EYS: variants seen among roughly 807,000 people sequenced by gnomAD.
The protein encoded by EYS is EGF-like photoreceptor maintenance factor.
In EYS, 250 loss-of-function variants were observed where a neutral mutation model predicts 282.1. That is an observed-to-expected ratio of 0.89 (90% CI 0.80 to 0.98). EYS has a LOEUF of 0.98. EYS is among the 50% of genes least tolerant of loss of function. The probability of loss-of-function intolerance (pLI) is 0.00; values close to 1 mark genes in which losing one functional copy is unlikely to be tolerated. For missense variants in EYS, 4,016 were observed against 3,709.0 expected, an observed-to-expected ratio of 1.08 and a Z score of -2.15; for synonymous variants, 1,355 against 1,282.9, an observed-to-expected ratio of 1.06 and a Z score of -1.20.
intron 31 of EYS, among the ~76,000 whole-genome samples, chr6:64,152,059 G>A (rs1007674462): frequency 6.6e-6 from 1 of 151,892 alleles, no homozygotes; most frequent in African/African-American, 2.4e-5. Flanking sequence ...AATGCATTCA[G>A]GTTTTTAAAC....
At chr6:64,078,499 C>G (rs1771848762) in intron 32 of EYS, among the ~76,000 whole-genome samples, 1 of 152,002 alleles carries the variant, frequency 6.6e-6, no homozygotes, top group Non-Finnish European at 1.5e-5. Context: ...TAGAAAGTAG[C>G]AACCCAGGAA....
chr6:64,830,233 C>G (rs1305048006), intron 19 of EYS, among the ~76,000 whole-genome samples: 1 of 151,908 alleles, frequency 6.6e-6, no homozygotes, highest in Non-Finnish European at 1.5e-5. Context: ...CCACCTTGAT[C>G]TTGGACTTCT....
chr6:65,198,724 C>T (rs570239393), intron 12 of EYS, among the ~76,000 whole-genome samples: 1 of 152,188 alleles, frequency 6.6e-6, no homozygotes, highest in South Asian at 2.1e-4. Context: ...AATGTATTTT[C>T]ATGGAAGTGA....
At chr6:64,997,730 C>G (rs1174590247) in intron 13 of EYS, 27 bp from the exon 14 acceptor site, 2 of 1,547,714 alleles carry the variant, frequency 1.3e-6, no homozygotes, top group South Asian at 2.4e-5. Context: ...AGAGAAAACT[C>G]TTAACATTCC....
chr6:64,703,395 A>ACACACACACACG (rs1770858675), intron 22 of EYS, among the ~76,000 whole-genome samples: 1 of 28,866 alleles, frequency 3.5e-5, no homozygotes, highest in Non-Finnish European at 8.5e-5. Context: ...ACACACACAC[A>ACACACACACACG]CACACACACA....
chr6:64,310,437 G>A (rs543314439), intron 29 of EYS, among the ~76,000 whole-genome samples: 1 of 152,298 alleles, frequency 6.6e-6, no homozygotes, highest in Non-Finnish European at 1.5e-5. Flanking sequence ...CAGGGACATG[G>A]ATGGAGCTGG....
chr6:65,013,569 A>C (rs1771948670), intron 13 of EYS, among the ~76,000 whole-genome samples: 1 of 152,148 alleles, frequency 6.6e-6, no homozygotes, highest in African/African-American at 2.4e-5. Flanking sequence ...ACCCCATGTA[A>C]TTCCCTCACT....
chr6:65,332,435 A>G (rs895452543), intron 11 of EYS: 9 of 1,381,818 alleles, frequency 6.5e-6, no homozygotes, highest in East Asian at 2.5e-5. Context: ...TTAATTTGGG[A>G]AGAATTAATA....
At chr6:64,168,239 C>T (rs1350008393) in intron 31 of EYS, among the ~76,000 whole-genome samples, 4 of 150,266 alleles carry the variant, frequency 2.7e-5, no homozygotes, top group South Asian at 2.1e-4. Context: ...CCAGCCTGGG[C>T]GACAGAGCGA....
intron 12 of EYS, among the ~76,000 whole-genome samples, chr6:65,220,327 A>G (rs1341540586): frequency 2.0e-5 from 3 of 152,102 alleles, no homozygotes; most frequent in African/African-American, 7.2e-5. Context: ...CTAGGTAGTG[A>G]GGGTAACACT....
intron 2 of EYS, among the ~76,000 whole-genome samples, chr6:65,571,846 T>G (rs746840671): frequency 1.9e-4 from 29 of 151,954 alleles, no homozygotes; most frequent in Non-Finnish European, 3.8e-4. Flanking sequence ...GGATATAGGG[T>G]TTAATACATT....
intron 35 of EYS, among the ~76,000 whole-genome samples, chr6:63,917,052 C>T (rs987796560): frequency 6.6e-6 from 1 of 152,202 alleles, no homozygotes; most frequent in African/African-American, 2.4e-5. Context: ...GTGTACTGTT[C>T]ATGACGGCAA....
intron 12 of EYS, among the ~76,000 whole-genome samples, chr6:65,195,476 T>A (rs991102117): frequency 7.9e-5 from 12 of 152,072 alleles, no homozygotes; most frequent in Non-Finnish European, 4.4e-5. Context: ...ACAATTTCAT[T>A]GTCATATTGC....
chr6:64,689,596 C>A (rs1360346973), intron 22 of EYS, among the ~76,000 whole-genome samples: 1 of 152,074 alleles, frequency 6.6e-6, no homozygotes, highest in East Asian at 1.9e-4. Context: ...GCTACAGTAA[C>A]CAAAACAGCA....
chr6:65,628,961 T>C (rs140527504), intron 2 of EYS, among the ~76,000 whole-genome samples: 50 of 152,212 alleles, frequency 3.3e-4, no homozygotes, highest in African/African-American at 1.1e-3. Flanking sequence ...GTGTGTAGGG[T>C]TGAAACACAT....
At chr6:64,969,740 C>T (rs1770223391) in intron 14 of EYS, among the ~76,000 whole-genome samples, 1 of 152,112 alleles carries the variant, frequency 6.6e-6, no homozygotes, top group African/African-American at 2.4e-5. Flanking sequence ...TATGATAAGC[C>T]TTCCAAGCAA....
intron 13 of EYS, among the ~76,000 whole-genome samples, chr6:65,055,026 G>A (rs1399778677): frequency 1.3e-5 from 2 of 152,028 alleles, no homozygotes; most frequent in East Asian, 2.0e-4. Flanking sequence ...TTGTCACTCA[G>A]GCTGGGCTGC....
intron 5 of EYS, among the ~76,000 whole-genome samples, chr6:65,450,920 C>T (rs4422598): frequency 0.19 from 28,120 of 151,982 alleles, 3,238 homozygotes; most frequent in Middle Eastern, 0.3. Flanking sequence ...TTTTTGGTAT[C>T]ACCCATTTTA....
At chr6:63,765,701 C>G (rs554225941) in intron 40 of EYS, among the ~76,000 whole-genome samples, 1 of 152,008 alleles carries the variant, frequency 6.6e-6, no homozygotes, top group Admixed American at 6.6e-5. Flanking sequence ...TTATTATTGA[C>G]TATAGTCACC....
Sources: gnomAD v4.1 joint callset for allele counts (sites outside exome capture counted in the v4.1 genomes callset) on GRCh38, gnomAD v4.1.1 for gene constraint, MANE v1.5 for transcripts, NCBI Gene and HGNC (gene_info 2026-07-23, HGNC 2026-07-21) for gene names.